NAALADL2: variants seen among roughly 807,000 people sequenced by gnomAD.
NAALADL2 encodes inactive N-acetylated-alpha-linked acidic dipeptidase-like protein 2.
In NAALADL2, 76 loss-of-function variants were observed where a neutral mutation model predicts 87.2. That is an observed-to-expected ratio of 0.87 (90% CI 0.72 to 1.05). The LOEUF is 1.05. Among genes scored for constraint, NAALADL2 ranks in the 50% least tolerant of loss-of-function variants. The probability of loss-of-function intolerance (pLI) is 0.00; values close to 1 mark genes in which losing one functional copy is unlikely to be tolerated. For synonymous variants in NAALADL2, 354 were observed against 331.0 expected (o/e 1.07, Z -0.75); for missense variants, 1,089 against 945.8 (o/e 1.15, Z -1.99).
intron 2 of NAALADL2, among the ~76,000 whole-genome samples, chr3:174,608,843 A>T (rs1719433831): frequency 1.3e-5 from 2 of 151,650 alleles, no homozygotes; most frequent in Admixed American, 1.3e-4. Context: ...TACCAAAGCC[A>T]GGCAGAGACA....
At chr3:174,857,811 A>G (rs528984159), upstream of NAALADL2, among the ~76,000 whole-genome samples, 2 of 152,206 alleles carry the variant, frequency 1.3e-5, no homozygotes, top group African/African-American at 2.4e-5. Context: ...CAGCTCCCTC[A>G]TAGAAGAAAC....
At chr3:175,190,521 A>G (rs889904688) in intron 2 of NAALADL2, among the ~76,000 whole-genome samples, 1 of 152,156 alleles carries the variant, frequency 6.6e-6, no homozygotes, top group Non-Finnish European at 1.5e-5. Context: ...TAGGATGTCT[A>G]TTATCTAAAA....
intron 4 of NAALADL2, among the ~76,000 whole-genome samples, chr3:175,313,118 A>G (rs1257813514): frequency 6.6e-6 from 1 of 152,136 alleles, no homozygotes; most frequent in Non-Finnish European, 1.5e-5. Context: ...TATTCTGTGC[A>G]CATGCATTTC....
At chr3:175,371,094 C>G (rs1766419707) in intron 5 of NAALADL2, among the ~76,000 whole-genome samples, 1 of 152,082 alleles carries the variant, frequency 6.6e-6, no homozygotes, top group South Asian at 2.1e-4. Flanking sequence ...GATGATTTGT[C>G]TTAGACAATA....
rs537464100 is a variant in NAALADL2 at position 175,762,952 on chromosome 3, C to T, written c.2189+7534C>T. Among the ~76,000 whole-genome samples, 5 of 152,114 alleles carry T rather than the reference C, an allele frequency of 3.3e-5. No individual in the cohort carries two copies. In the South Asian group the frequency reaches 6.2e-4, roughly 19 times the overall value. On this transcript the variant is annotated intron_variant, in intron 13 of 13. Coordinates refer to ENST00000454872, the MANE Select transcript of NAALADL2 (RefSeq NM_207015.3). ...ACAAAAAATTAGCCAAGCGTGGTGG[C>T]GGGCGCCTGTAGTCCCAGGTACTCG...
chr3:175,548,842 G>A (rs1713838663), intron 9 of NAALADL2, among the ~76,000 whole-genome samples: 1 of 151,900 alleles, frequency 6.6e-6, no homozygotes. Context: ...CTTGCTGAAG[G>A]GATGATACTT....
intron 1 of NAALADL2, among the ~76,000 whole-genome samples, chr3:174,545,984 C>G (rs1367144019): frequency 6.6e-6 from 1 of 150,890 alleles, no homozygotes; most frequent in Non-Finnish European, 1.5e-5. Context: ...TTCCTGTTTT[C>G]CTTTTTTTCT....
chr3:175,187,932 C>T (rs373940463), intron 2 of NAALADL2, among the ~76,000 whole-genome samples: 1 of 152,240 alleles, frequency 6.6e-6, no homozygotes, highest in South Asian at 2.1e-4. Flanking sequence ...GTAATGCCAG[C>T]TCGTTTCTTC....
intron 2 of NAALADL2, among the ~76,000 whole-genome samples, chr3:174,565,147 G>A (rs1714098680): frequency 1.3e-5 from 2 of 151,922 alleles, no homozygotes; most frequent in Admixed American, 6.6e-5. Flanking sequence ...TGTTACAATT[G>A]ATGAGCCAAT....
intron 2 of NAALADL2, among the ~76,000 whole-genome samples, chr3:174,665,036 T>C (rs1394474310): frequency 6.6e-6 from 1 of 152,210 alleles, no homozygotes; most frequent in Non-Finnish European, 1.5e-5. Flanking sequence ...TCAGATCCAT[T>C]TTTCATTTCA....
Position 175,618,922 on chromosome 3 carries a change from C to T in NAALADL2, c.1801-8369C>T, listed in dbSNP as rs534371865. On this transcript the variant is annotated intron_variant, in intron 10 of 13. Transcript: ENST00000454872. ...TTCTCCACCCATGAAGTGGGAAGAC[C>T]GAGTCAGAAGGGATAGTCATGCTCA... Among the ~76,000 whole-genome samples the T allele has an allele frequency of 3.3e-5, 5 of 152,236 alleles. No homozygotes were observed. The East Asian group carries it at 7.8e-4, about 24-fold the overall frequency.
At chr3:174,774,868 T>G (rs933515649) in intron 3 of NAALADL2, among the ~76,000 whole-genome samples, 5 of 152,180 alleles carry the variant, frequency 3.3e-5, no homozygotes, top group African/African-American at 1.2e-4. Flanking sequence ...AACCTCAGGT[T>G]AAAACCTTAT....
At chr3:174,882,682 T>C (rs767117055) in intron 1 of NAALADL2, among the ~76,000 whole-genome samples, 146 of 148,376 alleles carry the variant, frequency 9.8e-4, no homozygotes, top group Non-Finnish European at 8.5e-4. Flanking sequence ...TATGTGTATA[T>C]GTGTATCCGT....
At chr3:174,723,754 TCAAAAA>T (rs1731925719) in intron 2 of NAALADL2, among the ~76,000 whole-genome samples, 1 of 5,676 alleles carries the variant, frequency 1.8e-4, no homozygotes, top group Non-Finnish European at 3.7e-4. Flanking sequence ...AGACTCCGTC[TCAAAAA>T]AAAAAAAAAA....
intron 2 of NAALADL2, among the ~76,000 whole-genome samples, chr3:174,644,842 T>C (rs1302627475): frequency 4.6e-5 from 7 of 152,256 alleles, no homozygotes. Context: ...ACATCATTTG[T>C]AAATTCCATA....
intron 2 of NAALADL2, among the ~76,000 whole-genome samples, chr3:174,627,067 T>A (rs564306160): frequency 1.3e-4 from 20 of 152,254 alleles, no homozygotes; most frequent in Admixed American, 4.6e-4. Flanking sequence ...TGGTTCATGG[T>A]CTGTGACCTT....
At chr3:175,657,282 T>C (rs1305193067) in intron 11 of NAALADL2, among the ~76,000 whole-genome samples, 1 of 152,308 alleles carries the variant, frequency 6.6e-6, no homozygotes, top group East Asian at 1.9e-4. Context: ...AAATGAAGTC[T>C]TAAAAAACTA....
At chr3:174,469,881 T>C (rs1716792351) in intron 1 of NAALADL2, among the ~76,000 whole-genome samples, 1 of 152,132 alleles carries the variant, frequency 6.6e-6, no homozygotes, top group Admixed American at 6.5e-5. Flanking sequence ...TTCATCAGAG[T>C]ATGTAGATAT....
intron 1 of NAALADL2, among the ~76,000 whole-genome samples, chr3:174,934,502 C>A (rs527773317): frequency 2.4e-4 from 37 of 152,008 alleles, no homozygotes; most frequent in African/African-American, 8.7e-4. Flanking sequence ...TTTAGTCATT[C>A]AAAAATATTT....
Sources: gnomAD v4.1 joint callset for allele counts (sites outside exome capture counted in the v4.1 genomes callset) on GRCh38, gnomAD v4.1.1 for gene constraint, MANE v1.5 for transcripts, NCBI Gene and HGNC (gene_info 2026-07-23, HGNC 2026-07-21) for gene names.